BAZ1B: variants seen among roughly 807,000 people sequenced by gnomAD.
BAZ1B encodes bromodomain adjacent to zinc finger domain 1B, also known as tyrosine-protein kinase BAZ1B.
A neutral mutation model predicts 153.8 loss-of-function variants in BAZ1B; 22 were observed. The ratio of observed to expected loss-of-function variants is 0.14; its 90% CI spans 0.10 to 0.20. The LOEUF is 0.20. Among genes scored for constraint, BAZ1B ranks in the 10% least tolerant of loss-of-function variants. BAZ1B has a pLI of 1.00. For missense variants in BAZ1B, 1,325 were observed against 1,799.3 expected, an observed-to-expected ratio of 0.74 and a Z score of 4.77; for synonymous variants, 676 against 633.4, an observed-to-expected ratio of 1.07 and a Z score of -1.01.
chr7:73,463,392 T>C (rs1554570681), intron 11 of BAZ1B, among the ~76,000 whole-genome samples: 2 of 151,644 alleles, frequency 1.3e-5, no homozygotes, highest in African/African-American at 4.8e-5. Flanking sequence ...GGAATACCCC[T>C]CCACACCTGG....
At chr7:73,473,115 T>C (rs1337565545) in intron 7 of BAZ1B, among the ~76,000 whole-genome samples, 1 of 152,122 alleles carries the variant, frequency 6.6e-6, no homozygotes, top group Non-Finnish European at 1.5e-5. Context: ...CTAATTTTTG[T>C]ATTTTTAGTA....
chr7:73,508,790 G>A (rs1583951620), intron 2 of BAZ1B, among the ~76,000 whole-genome samples: 1 of 152,128 alleles, frequency 6.6e-6, no homozygotes, highest in Non-Finnish European at 1.5e-5. Flanking sequence ...GAGGCGGGTG[G>A]ATCACGAGGT....
chr7:73,497,639 C>T (rs1789968157), intron 4 of BAZ1B, among the ~76,000 whole-genome samples: 1 of 151,996 alleles, frequency 6.6e-6, no homozygotes, highest in Admixed American at 6.6e-5. Flanking sequence ...CTGTCACAAG[C>T]CTCCAAAGAA....
chr7:73,491,923 G>A (rs1053278401), intron 5 of BAZ1B, among the ~76,000 whole-genome samples: 1 of 150,508 alleles, frequency 6.6e-6, no homozygotes, highest in Non-Finnish European at 1.5e-5. Context: ...TACAGGTGGT[G>A]TAGGAATACC....
intron 6 of BAZ1B, among the ~76,000 whole-genome samples, chr7:73,479,265 T>C (rs1206965519): frequency 2.0e-5 from 3 of 152,054 alleles, no homozygotes; most frequent in Non-Finnish European, 1.5e-5. Flanking sequence ...TCCCAGAACT[T>C]TGGGAGGCCG....
intron 5 of BAZ1B, among the ~76,000 whole-genome samples, chr7:73,490,416 G>A (rs782517561): frequency 6.6e-6 from 1 of 152,042 alleles, no homozygotes; most frequent in Non-Finnish European, 1.5e-5. Flanking sequence ...TTTTTAAAAA[G>A]TCACTTAGGA....
chr7:73,512,093 A>T (rs1790608645), intron 1 of BAZ1B, among the ~76,000 whole-genome samples: 1 of 145,388 alleles, frequency 6.9e-6, no homozygotes, highest in African/African-American at 2.5e-5. Flanking sequence ...TGACTAGGCC[A>T]CAGTCTCACA....
chr7:73,445,299 C>T lies in BAZ1B; in HGVS notation c.3845-1170G>A, dbSNP rs151301422. ...GATAACCCTTTCTTGGCTACTTTAGCGTCTCTAGCTCAAGCCCAGGCTAGT... is the reference window on the plus strand; with the variant it reads ...GATAACCCTTTCTTGGCTACTTTAGTGTCTCTAGCTCAAGCCCAGGCTAGT... On this transcript the variant is annotated intron_variant, in intron 16 of 19. Transcript: ENST00000339594. Among the ~76,000 whole-genome samples the T allele has an allele frequency of 2.7e-4, 41 of 152,256 alleles. No individual in the cohort carries two copies. The East Asian group carries it at 4.8e-3, about 18-fold the overall frequency.
chr7:73,486,735 C>A (rs6962877), intron 6 of BAZ1B, among the ~76,000 whole-genome samples: 2 of 152,154 alleles, frequency 1.3e-5, no homozygotes, highest in African/African-American at 4.8e-5. Context: ...AAAGAGTATA[C>A]AGAGAGAGAA....
intron 1 of BAZ1B, among the ~76,000 whole-genome samples, chr7:73,512,028 CAAAAAAAAAAAA>C (rs1168749967): frequency 8.3e-4 from 29 of 34,750 alleles, no homozygotes; most frequent in Admixed American, 1.6e-3. Context: ...AACTCCACCT[CAAAAAAAAAAAA>C]AAAAAAAAAA....
At chr7:73,463,150 G>A (rs375722748) in intron 11 of BAZ1B, 51 bp from the exon 12 acceptor site, 11 of 1,454,512 alleles carry the variant, frequency 7.6e-6, no homozygotes, top group African/African-American at 1.4e-5. Context: ...TTTTGAAGAT[G>A]TTCTTCAAAT....
chr7:73,478,168 A>G lies in BAZ1B; in HGVS notation c.1293T>C (p.Pro431=). The G allele has an allele frequency of 6.2e-7, 1 of 1,614,094 alleles. No individual in the cohort carries two copies. The highest frequency in any genetic ancestry group is 8.5e-7 in the Non-Finnish European group (1 of 1,180,018). ...AAGTCATCTGCTTCATTTTGGTTTT[A>G]GGAGTCTTCAGTCCTTTTTTGGGAG... ...SKSPKKGLKT[P]KTKMKQMTLL... The change falls in exon 7 of 20, where the codon CCT becomes CCC. Residue 431 remains proline (P), a synonymous_variant. Coordinates refer to ENST00000339594, the MANE Select transcript of BAZ1B (RefSeq NM_032408.4).
chr7:73,489,464 C>T (rs571954516), intron 5 of BAZ1B, 73 bp from the exon 6 acceptor site: 53 of 1,485,932 alleles, frequency 3.6e-5, no homozygotes, highest in Admixed American at 8.9e-5. Context: ...AAGCAATATA[C>T]GTTCTCTCCA....
At chr7:73,460,103 C>T (rs887416869) in intron 12 of BAZ1B, among the ~76,000 whole-genome samples, 1 of 149,004 alleles carries the variant, frequency 6.7e-6, no homozygotes, top group Non-Finnish European at 1.5e-5. Context: ...GCAGGAGAAT[C>T]ACTTGAACCC....
chr7:73,475,623 A>AGGCATGGTGGCTGGCCC (rs1176599572), intron 7 of BAZ1B, among the ~76,000 whole-genome samples: 4 of 152,184 alleles, frequency 2.6e-5, no homozygotes, highest in African/African-American at 7.2e-5. Flanking sequence ...TTTTGGGGCC[A>AGGCATGGTGGCTGGCCC]GGCATGGTGG....
At chr7:73,494,579 T>TAAAC (rs1208771308) in intron 4 of BAZ1B, among the ~76,000 whole-genome samples, 9 of 151,794 alleles carry the variant, frequency 5.9e-5, no homozygotes, top group African/African-American at 1.2e-4. Flanking sequence ...ACCCTGTCTC[T>TAAAC]AAACAAACAA....
intron 3 of BAZ1B, among the ~76,000 whole-genome samples, chr7:73,508,083 G>C (rs1554578055): frequency 6.6e-6 from 1 of 152,086 alleles, no homozygotes. Context: ...TTGAACACGG[G>C]AGAATGAGGT....
Position 73,449,784 on chromosome 7 carries a change from C to A in BAZ1B, c.3581-95G>T, listed in dbSNP as rs1485989095. On this transcript the variant is annotated intron_variant, in intron 14 of 19. Transcript: ENST00000339594. ...CAATCACCCTACAATTCAAGGCACA[C>A]GAGGAGACATGTTCCATAGAATGCT... The A allele has an allele frequency of 7.4e-6, 10 of 1,345,898 alleles. No individual in the cohort carries two copies. The African/African-American group carries it at 1.2e-4, about 16-fold the overall frequency. 83.4% of individuals were successfully genotyped at this position (1,345,898 alleles called of 1,614,324 possible).
chr7:73,442,136 T>TAA, intron 19 of BAZ1B, 45 bp downstream of exon 19: 2 of 573,492 alleles, frequency 3.5e-6, no homozygotes, highest in Non-Finnish European at 6.5e-6. Context: ...CTCGCTCGCC[T>TAA]CCCTCCCACC....
Sources: gnomAD v4.1 joint callset for allele counts (sites outside exome capture counted in the v4.1 genomes callset) on GRCh38, gnomAD v4.1.1 for gene constraint, MANE v1.5 for transcripts, NCBI Gene and HGNC (gene_info 2026-07-23, HGNC 2026-07-21) for gene names.